The following KCNH5 variants were observed in gnomAD, a reference collection of about 807,000 sequenced individuals.
KCNH5 encodes the protein voltage-gated delayed rectifier potassium channel KCNH5.
Under a neutral mutation model 96.1 loss-of-function variants are expected in KCNH5, and 46 were observed. That is an observed-to-expected ratio of 0.48 (90% CI 0.38 to 0.61). KCNH5 has a LOEUF of 0.61. Ranked by LOEUF, KCNH5 falls within the 20% of genes least tolerant of loss-of-function variation. KCNH5 has a pLI of 0.00. For synonymous variants in KCNH5, 439 were observed against 449.8 expected (o/e 0.98, Z 0.30); for missense variants, 907 against 1,225.8 (o/e 0.74, Z 3.88).
At chr14:63,025,854 G>GAA (rs139085820) in intron 1 of KCNH5, among the ~76,000 whole-genome samples, 18 of 149,484 alleles carry the variant, frequency 1.2e-4, no homozygotes, top group East Asian at 3.9e-4. Flanking sequence ...CACAGAAACA[G>GAA]AAAAAAAAAA....
chr14:62,830,700 G>A (rs116916991), intron 8 of KCNH5, among the ~76,000 whole-genome samples: 2,503 of 152,248 alleles, frequency 0.016, 40 homozygotes, highest in Middle Eastern at 0.054. Flanking sequence ...TAAAATTCGA[G>A]ATGAGATTTG....
intron 9 of KCNH5, among the ~76,000 whole-genome samples, chr14:62,787,654 C>CTTGT (rs763760384): frequency 7.2e-5 from 11 of 152,162 alleles, no homozygotes; most frequent in Non-Finnish European, 1.3e-4. Context: ...GATAGGCTAA[C>CTTGT]TTGTTAGGGC....
At chr14:63,032,174 T>A (rs1276350294) in intron 1 of KCNH5, among the ~76,000 whole-genome samples, 1 of 151,458 alleles carries the variant, frequency 6.6e-6, no homozygotes, top group African/African-American at 2.4e-5. Flanking sequence ...GAAAGTCAGC[T>A]GCGTTTTCCC....
intron 6 of KCNH5, among the ~76,000 whole-genome samples, chr14:62,973,571 A>C (rs986552262): frequency 6.6e-6 from 1 of 152,146 alleles, no homozygotes; most frequent in African/African-American, 2.4e-5. Flanking sequence ...CCCACAGGAC[A>C]CCACATGCCA....
intron 10 of KCNH5, among the ~76,000 whole-genome samples, chr14:62,733,052 A>G (rs1885084221): frequency 6.6e-6 from 1 of 152,064 alleles, no homozygotes; most frequent in African/African-American, 2.4e-5. Flanking sequence ...TATTACTTAC[A>G]TAGGAAAACC....
In KCNH5 at chr14:62,950,680, T is replaced by C. The variant is rs143161650; in HGVS notation, c.943-121A>G. 41 of 702,372 alleles carry C rather than the reference T, an allele frequency of 5.8e-5. No individual in the cohort carries two copies. In the African/African-American group the frequency reaches 6.8e-4, roughly 12 times the overall value. The allele number at this position is 702,372 out of a possible 1,614,324, so 43.5% of individuals were successfully genotyped here. A position where few individuals can be genotyped will look rare whatever the true frequency, so the allele number is the denominator to read the frequency against. ...TCCAATTATATATTAAGAACATATG[T>C]ATATTATAGGTCTGATTTTAAGAAA... On this transcript the variant is annotated intron_variant, in intron 6 of 10. Transcript: ENST00000322893.
intron 8 of KCNH5, among the ~76,000 whole-genome samples, chr14:62,821,129 C>G (rs1887106070): frequency 2.0e-5 from 3 of 151,284 alleles, no homozygotes; most frequent in Non-Finnish European, 4.4e-5. Flanking sequence ...AAAAAAAACC[C>G]TTAAAAAAGC....
At chr14:62,754,168 A>T (rs964254070) in intron 10 of KCNH5, among the ~76,000 whole-genome samples, 2 of 152,214 alleles carry the variant, frequency 1.3e-5, no homozygotes, top group African/African-American at 4.8e-5. Flanking sequence ...AATCAGTATT[A>T]ATTTGTCATC....
chr14:62,777,465 T>C (rs1886121561), intron 10 of KCNH5, among the ~76,000 whole-genome samples: 1 of 152,214 alleles, frequency 6.6e-6, no homozygotes, highest in Non-Finnish European at 1.5e-5. Flanking sequence ...TACAACATGT[T>C]CTCAGATGGT....
intron 7 of KCNH5, chr14:62,949,909 G>A (rs1595696739): frequency 4.3e-6 from 2 of 463,972 alleles, no homozygotes; most frequent in East Asian, 8.5e-5. Context: ...GAGCACTGCT[G>A]GGTACACACA....
Position 62,880,623 on chromosome 14 carries a change from A to G in KCNH5, c.1370-30771T>C, listed in dbSNP as rs954888311. ...TATAGTCATACATGTTTAGAACGAT[A>G]TTAAAATAAGAATAGATGTTCTTGG... On this transcript the variant is annotated intron_variant, in intron 7 of 10. Coordinates refer to ENST00000322893, the MANE Select transcript of KCNH5 (RefSeq NM_139318.5). 2.6e-5 allele frequency among the ~76,000 whole-genome samples: 4 copies of G among 152,222 alleles called. No homozygotes were observed. The South Asian group carries it at 8.3e-4, about 31-fold the overall frequency.
intron 10 of KCNH5, among the ~76,000 whole-genome samples, chr14:62,731,538 T>C (rs1288369431): frequency 6.6e-6 from 1 of 152,120 alleles, no homozygotes; most frequent in East Asian, 1.9e-4. Flanking sequence ...AATTTTCTAC[T>C]AAAATTTGAA....
chr14:62,850,054 A>G (rs1887774376), intron 7 of KCNH5, among the ~76,000 whole-genome samples: 1 of 152,186 alleles, frequency 6.6e-6, no homozygotes, highest in Admixed American at 6.5e-5. Flanking sequence ...TGACTTTATG[A>G]GCATGCAGAG....
intron 10 of KCNH5, among the ~76,000 whole-genome samples, chr14:62,759,207 T>A (rs1170936487): frequency 6.7e-6 from 1 of 148,888 alleles, no homozygotes; most frequent in Non-Finnish European, 1.5e-5. Context: ...ATATTAAATC[T>A]ATCTCTGGTC....
chr14:62,781,762 C>T (rs1476013862), intron 9 of KCNH5, among the ~76,000 whole-genome samples: 2 of 152,086 alleles, frequency 1.3e-5, no homozygotes, highest in South Asian at 2.1e-4. Context: ...TTTCAAGGTG[C>T]CCACATTTCA....
intron 1 of KCNH5, among the ~76,000 whole-genome samples, chr14:63,042,475 T>C (rs113529488): frequency 2.3e-4 from 35 of 152,206 alleles, no homozygotes; most frequent in African/African-American, 8.4e-4. Flanking sequence ...AGAAAGAGCT[T>C]TTCTTGGGGT....
Position 62,702,415 on chromosome 14 carries a change from A to G in KCNH5, c.*5093T>C, listed in dbSNP as rs1378517549. 3 of 152,036 alleles carry G rather than the reference A, an allele frequency of 2.0e-5. No homozygotes were observed. The highest frequency in any genetic ancestry group is 4.4e-5 in the Non-Finnish European group (3 of 67,900). The allele number at this position is 152,036 out of a possible 1,614,324, so 9.4% of individuals were successfully genotyped here. On this transcript the variant is annotated 3_prime_UTR_variant, in exon 11 of 11. Coordinates refer to ENST00000322893, the MANE Select transcript of KCNH5 (RefSeq NM_139318.5). ...AACCTAGACTAGATGGTTGAACTAG[A>G]TAGTTCTTGTAATGTCAGTATTCTA...
rs1271227983 is a variant in KCNH5 at position 62,705,486 on chromosome 14, T to G, written c.*2022A>C. ...AAATTCCAATTTCAAGGCTGATTCT[T>G]TACTCCATAATTATTTCATTTTCTT... is the stretch of plus-strand genomic sequence containing the variant. On this transcript the variant is annotated 3_prime_UTR_variant, in exon 11 of 11. Coordinates refer to ENST00000322893, the MANE Select transcript of KCNH5 (RefSeq NM_139318.5). The G allele has an allele frequency of 6.6e-6, 1 of 152,036 alleles. No homozygotes were observed. Among genetic ancestry groups the G allele is most frequent in the African/African-American group, 2.4e-5 (1 of 41,432 alleles). 9.4% of individuals were successfully genotyped at this position (152,036 alleles called of 1,614,324 possible).
At chr14:62,730,637 C>T (rs971184833) in intron 10 of KCNH5, among the ~76,000 whole-genome samples, 3 of 152,176 alleles carry the variant, frequency 2.0e-5, no homozygotes, top group Admixed American at 2.0e-4. Context: ...AAACCTCTTT[C>T]CTCATCTATC....
Sources: gnomAD v4.1 joint callset for allele counts (sites outside exome capture counted in the v4.1 genomes callset) on GRCh38, gnomAD v4.1.1 for gene constraint, MANE v1.5 for transcripts, NCBI Gene and HGNC (gene_info 2026-07-23, HGNC 2026-07-21) for gene names.